The following SREBF2 variants were observed in gnomAD, a reference collection of about 807,000 sequenced individuals.
The protein encoded by SREBF2 is sterol regulatory element binding transcription factor 2, also known as sterol regulatory element-binding protein 2.
SREBF2 carries 55 observed loss-of-function variants against 113.1 expected under a neutral mutation model. The observed-to-expected ratio is 0.49, with a 90% CI of 0.39 to 0.61. The LOEUF (loss-of-function observed/expected upper bound fraction) is 0.61. Among genes scored for constraint, SREBF2 ranks in the 20% least tolerant of loss-of-function variants. SREBF2 has a pLI of 0.00. For missense variants in SREBF2, 1,349 were observed against 1,487.4 expected (o/e 0.91, Z 1.53); for synonymous variants, 593 against 605.7 (o/e 0.98, Z 0.31).
At chr22:41,871,847 C>T (rs1041062170) in intron 4 of SREBF2, among the ~76,000 whole-genome samples, 9 of 148,278 alleles carry the variant, frequency 6.1e-5, no homozygotes, top group Non-Finnish European at 7.4e-5. Flanking sequence ...TGCAGTGAGC[C>T]GAGATCGCAC....
At chr22:41,844,033 T>TACAC (rs71311415) in intron 1 of SREBF2, among the ~76,000 whole-genome samples, 1,271 of 123,108 alleles carry the variant, frequency 0.01, 20 homozygotes, top group Middle Eastern at 0.039. Flanking sequence ...AAAAAATACA[T>TACAC]ACACACACAC....
In SREBF2 at chr22:41,884,838, C is replaced by T. The variant is rs199644191; in HGVS notation, c.2039-4C>T. On this transcript the variant is annotated splice_polypyrimidine_tract_variant and splice_region_variant and intron_variant, in intron 10 of 18. Coordinates refer to ENST00000361204, the MANE Select transcript of SREBF2 (RefSeq NM_004599.4). ...ACAATAGTGTCTGTTTCTGCCCACC[C>T]TAGGGAAGCTTCCTGCAGGATCCGC... 1 of 1,614,018 alleles carries T rather than the reference C, an allele frequency of 6.2e-7. No individual in the cohort carries two copies. The highest frequency in any genetic ancestry group is 8.5e-7 in the Non-Finnish European group (1 of 1,179,952).
Position 41,900,364 on chromosome 22 carries a change from A to G in SREBF2, c.2773A>G (p.Arg925Gly). 1 of 1,613,802 alleles carries G rather than the reference A, an allele frequency of 6.2e-7. No homozygotes were observed. The highest frequency in any genetic ancestry group is 8.5e-7 in the Non-Finnish European group (1 of 1,180,036). Residue 925 changes from arginine to glycine, a missense_variant, in exon 16 of 19, where the codon AGA becomes GGA. Physicochemically the swap from Arg to Gly is moderately radical, Grantham distance 125 (BLOSUM62 -2). Around this residue, in one of 2 missense-constraint regions of SREBF2, gnomAD observed 650 missense variants for 644.1 expected, o/e 1.01. Coordinates refer to ENST00000361204, the MANE Select transcript of SREBF2 (RefSeq NM_004599.4). The stretch of plus-strand genomic sequence containing the variant: ...GGTGAAGGCCATCTTCCATGCCTGC[A>G]GAGCCATGCATGCCTCACTCCCTGG... ...PLVKAIFHACRAMHASLPGKA... is the reference protein window; with the variant it reads ...PLVKAIFHACGAMHASLPGKA...
At chr22:41,866,037 C>T (rs556505408) in intron 1 of SREBF2, among the ~76,000 whole-genome samples, 5 of 152,202 alleles carry the variant, frequency 3.3e-5, no homozygotes, top group African/African-American at 9.6e-5. Flanking sequence ...CTAGAGCCTC[C>T]CTGTGGTGAG....
chr22:41,862,149 G>C (rs115048473), intron 1 of SREBF2, among the ~76,000 whole-genome samples: 150 of 152,134 alleles, frequency 9.9e-4, no homozygotes, highest in African/African-American at 3.5e-3. Context: ...CAGATTTCAG[G>C]TTACCTCATT....
At chr22:41,882,586 A>G (rs922929196) in intron 10 of SREBF2, among the ~76,000 whole-genome samples, 2 of 152,200 alleles carry the variant, frequency 1.3e-5, no homozygotes, top group Non-Finnish European at 2.9e-5. Flanking sequence ...CAGGTGGATC[A>G]CCTGAGGTCA....
At position 41,895,524 on chromosome 22, in the gene SREBF2, C is replaced by A. The variant is rs1487440857; in HGVS notation, c.2495+587C>A. Among the ~76,000 whole-genome samples the A allele has an allele frequency of 4.2e-4, 63 of 150,464 alleles. 1 individual carries two copies. The highest frequency in any genetic ancestry group is 1.5e-5 in the Non-Finnish European group (1 of 67,750). On this transcript the variant is annotated intron_variant, in intron 13 of 18. Transcript: ENST00000361204. The stretch of plus-strand genomic sequence containing the variant: ...AGTCTCAGCTCACTGCAACCTCTGC[C>A]TCCCGGGTTCAAGTGATTCTTCTGC...
chr22:41,864,562 C>T (rs1252111153), intron 1 of SREBF2, among the ~76,000 whole-genome samples: 3 of 151,788 alleles, frequency 2.0e-5, no homozygotes, highest in East Asian at 2.0e-4. Flanking sequence ...CCTTGTGATC[C>T]GCACGCCTTG....
intron 11 of SREBF2, among the ~76,000 whole-genome samples, chr22:41,887,676 C>T (rs1227623183): frequency 6.6e-6 from 1 of 152,152 alleles, no homozygotes; most frequent in Non-Finnish European, 1.5e-5. Context: ...CTGCTGTGAA[C>T]CTCCTTGTAC....
chr22:41,840,715 C>T (rs1481665523), intron 1 of SREBF2, among the ~76,000 whole-genome samples: 3 of 152,120 alleles, frequency 2.0e-5, no homozygotes, highest in African/African-American at 7.2e-5. Flanking sequence ...TTTGTGTGAC[C>T]TGTTTTCTTC....
chr22:41,841,098 T>C (rs1258297664), intron 1 of SREBF2, among the ~76,000 whole-genome samples: 1 of 152,026 alleles, frequency 6.6e-6, no homozygotes, highest in Non-Finnish European at 1.5e-5. Flanking sequence ...ATTGGGAAAG[T>C]TGGAGTGGCC....
At chr22:41,879,962 C>G (rs898786851) in intron 9 of SREBF2, among the ~76,000 whole-genome samples, 1 of 152,050 alleles carries the variant, frequency 6.6e-6, no homozygotes, top group African/African-American at 2.4e-5. Flanking sequence ...GTGGCTCACA[C>G]TGAGGTGGGG....
rs1174282140 is a variant in SREBF2, at chr22:41,905,481, G to A, written c.3247G>A (p.Ala1083Thr). ...AWPGQRERAT[A>T]ILLACRHLPL... Reference sequence around the variant, plus strand: ...GCCCGGCCAGCGAGAGCGGGCCACCGCCATCCTGCTGGCCTGCCGCCACCT... The same window carrying A: ...GCCCGGCCAGCGAGAGCGGGCCACCACCATCCTGCTGGCCTGCCGCCACCT... Residue 1083 changes from alanine (A) to threonine (T), a missense_variant, in exon 19 of 19, where the codon GCC (alanine) becomes ACC (threonine). By Grantham distance (58) the Ala-to-Thr change is moderately conservative. Around this residue, in one of 2 missense-constraint regions of SREBF2, gnomAD observed 650 missense variants for 644.1 expected, o/e 1.01. Transcript: ENST00000361204. 5.1e-6 allele frequency: 8 copies of A among 1,580,202 alleles called. No individual in the cohort carries two copies. The Admixed American group carries it at 5.4e-5, about 11-fold the overall frequency.
intron 11 of SREBF2, among the ~76,000 whole-genome samples, chr22:41,891,990 G>A (rs1041212313): frequency 2.0e-4 from 30 of 152,324 alleles, no homozygotes; most frequent in African/African-American, 5.5e-4. Flanking sequence ...CCCAGTGACC[G>A]GGGCCCTGGC....
rs755442237 is a variant in SREBF2 at position 41,902,963 on chromosome 22, C to T, written c.2908-7C>T. 7.5e-6 allele frequency: 12 copies of T among 1,608,360 alleles called. No homozygotes were observed. In the East Asian group the frequency reaches 2.5e-4, roughly 33 times the overall value. ...CTGTCTCCCCTCTCTCGTGGCTGAC[C>T]CCACAGGTGGTCCAGCTGCTCACCT... On this transcript the variant is annotated splice_polypyrimidine_tract_variant and splice_region_variant and intron_variant, in intron 16 of 18. Transcript: ENST00000361204.
At chr22:41,834,234 ACCCCT>A (rs1174381622) in intron 1 of SREBF2, among the ~76,000 whole-genome samples, 2 of 151,724 alleles carry the variant, frequency 1.3e-5, no homozygotes, top group African/African-American at 2.4e-5. Flanking sequence ...GTTTTTTTAT[ACCCCT>A]CCTTTCAAGA....
At chr22:41,864,090 G>C (rs2077048524) in intron 1 of SREBF2, among the ~76,000 whole-genome samples, 1 of 149,774 alleles carries the variant, frequency 6.7e-6, no homozygotes, top group Non-Finnish European at 1.5e-5. Context: ...TGTTTGTCAG[G>C]CTGGTCTCGA....
chr22:41,899,502 C>T (rs1602348237), intron 15 of SREBF2: 1 of 992,742 alleles, frequency 1.0e-6, no homozygotes, highest in Non-Finnish European at 1.2e-6. Context: ...AAGGCTGTAG[C>T]ATTTCCTATC....
chr22:41,904,828 G>T, intron 17 of SREBF2, 35 bp from the exon 18 acceptor site: 1 of 1,512,420 alleles, frequency 6.6e-7, no homozygotes, highest in Non-Finnish European at 9.0e-7. Flanking sequence ...GTGGGGACCA[G>T]GGGTGTGATG....
Sources: gnomAD v4.1 joint callset for allele counts (sites outside exome capture counted in the v4.1 genomes callset) on GRCh38, gnomAD v4.1.1 for gene constraint, gnomAD v4.1.1 regional missense constraint, MANE v1.5 for transcripts, NCBI Gene and HGNC (gene_info 2026-07-23, HGNC 2026-07-21) for gene names.